Variants in CDH13 observed in about 807,000 individuals in gnomAD.
CDH13 encodes the protein cadherin-13.
CDH13 carries 24 observed loss-of-function variants against 63.8 expected under a neutral mutation model. The observed-to-expected ratio is 0.38, with a 90% CI of 0.27 to 0.53. The LOEUF is 0.53. CDH13 is among the 20% of genes least tolerant of loss of function. The probability of loss-of-function intolerance (pLI) is 0.85; values close to 1 mark genes in which losing one functional copy is unlikely to be tolerated. For missense variants in CDH13, 1,049 were observed against 903.1 expected (o/e 1.16, Z -2.07); for synonymous variants, 503 against 355.3 (o/e 1.42, Z -4.67).
At chr16:82,783,889 G>C (rs144996814) in intron 1 of CDH13, among the ~76,000 whole-genome samples, 2 of 152,226 alleles carry the variant, frequency 1.3e-5, no homozygotes, top group African/African-American at 4.8e-5. Context: ...TTAGTGGAGG[G>C]AAAGAAAGAA....
chr16:83,611,819 G>C (rs148124990), intron 8 of CDH13, among the ~76,000 whole-genome samples: 13 of 151,964 alleles, frequency 8.6e-5, no homozygotes, highest in African/African-American at 3.1e-4. Flanking sequence ...GACATATTTG[G>C]GAGTGTTTTT....
At chr16:83,497,630 G>A (rs893888233) in intron 7 of CDH13, among the ~76,000 whole-genome samples, 2 of 151,866 alleles carry the variant, frequency 1.3e-5, no homozygotes, top group East Asian at 3.9e-4. Context: ...CCTGCACAAT[G>A]TGCACATGTA....
chr16:83,667,722 A>G (rs552102760), intron 8 of CDH13, among the ~76,000 whole-genome samples: 4 of 152,206 alleles, frequency 2.6e-5, no homozygotes, highest in African/African-American at 9.6e-5. Context: ...CAGTGGTGTA[A>G]TCATAGCTCA....
At chr16:83,653,591 C>G (rs1042850752) in intron 8 of CDH13, among the ~76,000 whole-genome samples, 21 of 152,108 alleles carry the variant, frequency 1.4e-4, no homozygotes, top group African/African-American at 4.6e-4. Flanking sequence ...ATCATCAGCA[C>G]TCTAGCATAG....
rs567073467 is a variant in CDH13 at position 82,652,710 on chromosome 16, T to G, written c.45+25573T>G. ...TGGCCTGCATTACCTAGAATTGTTTTTTTTTTTTTTTTTCTGGTTAAAACC... is the reference window on the plus strand; with the variant it reads ...TGGCCTGCATTACCTAGAATTGTTTGTTTTTTTTTTTTTCTGGTTAAAACC... On this transcript the variant is annotated intron_variant, in intron 1 of 13. Coordinates refer to ENST00000567109, the MANE Select transcript of CDH13 (RefSeq NM_001257.5). Among the ~76,000 whole-genome samples, 56 of 152,180 alleles carry G rather than the reference T, an allele frequency of 3.7e-4. 1 individual carries two copies. In the East Asian group the frequency reaches 7.9e-3, roughly 22 times the overall value.
intron 1 of CDH13, among the ~76,000 whole-genome samples, chr16:82,675,308 A>T (rs762028074): frequency 3.3e-5 from 5 of 152,182 alleles, no homozygotes; most frequent in African/African-American, 9.6e-5. Flanking sequence ...TAGCCCATCT[A>T]TTATTTCTCT....
intron 6 of CDH13, among the ~76,000 whole-genome samples, chr16:83,481,801 T>G (rs901093132): frequency 4.6e-5 from 7 of 152,194 alleles, no homozygotes; most frequent in Non-Finnish European, 1.0e-4. Context: ...AGAAATGTAC[T>G]GTGTGGAAGC....
chr16:83,652,946 C>G (rs960759523), intron 8 of CDH13, among the ~76,000 whole-genome samples: 20 of 152,242 alleles, frequency 1.3e-4, no homozygotes, highest in African/African-American at 4.6e-4. Flanking sequence ...GGTCCATCCA[C>G]ATGACGGAAT....
intron 1 of CDH13, among the ~76,000 whole-genome samples, chr16:82,819,732 T>G (rs1453443365): frequency 6.6e-6 from 1 of 152,224 alleles, no homozygotes; most frequent in Non-Finnish European, 1.5e-5. Flanking sequence ...CAAAATGTAT[T>G]GAATGCCTAT....
intron 4 of CDH13, among the ~76,000 whole-genome samples, chr16:83,133,174 T>G (rs7201802): frequency 0.48 from 72,631 of 152,132 alleles, 18,415 homozygotes; most frequent in African/African-American, 0.66. Context: ...AACTTGGCAG[T>G]TGAATGTACC....
intron 1 of CDH13, among the ~76,000 whole-genome samples, chr16:82,800,344 C>T (rs1029649630): frequency 6.6e-6 from 1 of 152,038 alleles, no homozygotes; most frequent in Non-Finnish European, 1.5e-5. Context: ...GTTTCATAGC[C>T]AGTCTGAGGC....
intron 2 of CDH13, among the ~76,000 whole-genome samples, chr16:82,935,983 C>T (rs943013772): frequency 6.6e-5 from 10 of 152,130 alleles, no homozygotes; most frequent in Admixed American, 2.6e-4. Context: ...GCATAGTGCT[C>T]ACCCATTGGT....
chr16:83,780,550 G>T (rs1256560129), intron 12 of CDH13, among the ~76,000 whole-genome samples: 13 of 152,100 alleles, frequency 8.5e-5, no homozygotes, highest in Non-Finnish European at 1.8e-4. Flanking sequence ...CACAACTGCA[G>T]GTTTTTACAT....
intron 4 of CDH13, among the ~76,000 whole-genome samples, chr16:83,200,453 A>T (rs771978116): frequency 2.1e-4 from 32 of 152,172 alleles, no homozygotes; most frequent in Non-Finnish European, 3.5e-4. Context: ...GGCTGTGCTC[A>T]TCTTACACAG....
intron 3 of CDH13, among the ~76,000 whole-genome samples, chr16:83,123,879 C>G (rs1053068372): frequency 6.6e-6 from 1 of 152,092 alleles, no homozygotes; most frequent in Non-Finnish European, 1.5e-5. Flanking sequence ...TTGTTTAAGA[C>G]TTTTTAATCA....
chr16:83,746,053 G>T (rs1324570400), intron 10 of CDH13, among the ~76,000 whole-genome samples: 2 of 152,178 alleles, frequency 1.3e-5, no homozygotes, highest in Non-Finnish European at 2.9e-5. Flanking sequence ...GTGCCTCAGA[G>T]TCCTCATCTG....
At chr16:82,633,664 C>T (rs1908304005) in intron 1 of CDH13, among the ~76,000 whole-genome samples, 1 of 152,212 alleles carries the variant, frequency 6.6e-6, no homozygotes, top group South Asian at 2.1e-4. Context: ...AGACGTGAGC[C>T]ACTGCGCCTG....
chr16:83,711,716 C>T (rs1908081600), intron 10 of CDH13, among the ~76,000 whole-genome samples: 1 of 152,104 alleles, frequency 6.6e-6, no homozygotes, highest in Admixed American at 6.5e-5. Flanking sequence ...GGGATTTCAC[C>T]ATGTTGGCCA....
intron 1 of CDH13, among the ~76,000 whole-genome samples, chr16:82,671,050 A>G (rs1207632046): frequency 6.6e-6 from 1 of 152,168 alleles, no homozygotes; most frequent in Non-Finnish European, 1.5e-5. Context: ...ATCTTGGTAA[A>G]TCCTCATGCC....
Sources: allele counts gnomAD v4.1 joint callset (sites outside exome capture counted in the v4.1 genomes callset), GRCh38; gene constraint gnomAD v4.1.1; transcripts MANE v1.5; gene names NCBI Gene and HGNC (gene_info 2026-07-23, HGNC 2026-07-21).